The following CTNNA3 variants were observed in gnomAD, a reference collection of about 807,000 sequenced individuals.
CTNNA3 encodes the protein catenin alpha 3.
Under a neutral mutation model 95.7 loss-of-function variants are expected in CTNNA3, and 76 were observed. The observed-to-expected ratio is 0.79, with a 90% CI of 0.66 to 0.96. The LOEUF (loss-of-function observed/expected upper bound fraction) is 0.96, where lower values mean the gene tolerates loss of function less well. Among genes scored for constraint, CTNNA3 ranks in the 40% least tolerant of loss-of-function variants. The pLI, the probability that CTNNA3 is intolerant of heterozygous loss-of-function variation, is 0.00. For synonymous variants in CTNNA3, 431 were observed against 374.4 expected (o/e 1.15, Z -1.74); for missense variants, 1,191 against 1,089.8 (o/e 1.09, Z -1.31).
chr10:65,978,316 C>A (rs969917160), intron 16 of CTNNA3, among the ~76,000 whole-genome samples: 2 of 152,086 alleles, frequency 1.3e-5, no homozygotes, highest in Non-Finnish European at 2.9e-5. Context: ...CCTTATATCA[C>A]CTCTCTGGAG....
chr10:66,232,201 T>C (rs945398245), intron 13 of CTNNA3, among the ~76,000 whole-genome samples: 2 of 152,180 alleles, frequency 1.3e-5, no homozygotes, highest in African/African-American at 4.8e-5. Flanking sequence ...ACCTAAACTA[T>C]GGACCCACAA....
chr10:66,779,844 T>C (rs1184514513), intron 7 of CTNNA3, among the ~76,000 whole-genome samples: 1 of 152,212 alleles, frequency 6.6e-6, no homozygotes, highest in African/African-American at 2.4e-5. Flanking sequence ...TCATCTACTA[T>C]ATGCGGGACA....
intron 10 of CTNNA3, among the ~76,000 whole-genome samples, chr10:66,553,853 T>G (rs1842306471): frequency 6.6e-6 from 1 of 152,120 alleles, no homozygotes; most frequent in Non-Finnish European, 1.5e-5. Context: ...TTACTCTCCT[T>G]TTGAACAATA....
chr10:66,874,279 C>A (rs1268093437), intron 7 of CTNNA3, among the ~76,000 whole-genome samples: 1 of 152,064 alleles, frequency 6.6e-6, no homozygotes, highest in Non-Finnish European at 1.5e-5. Flanking sequence ...CCAACTACCG[C>A]CTCCATAATT....
rs190857875 is a variant in CTNNA3, at chr10:66,539,706, G to A, written c.1375-18933C>T. ...TTTGGAAGAGGGTGTGGCAGGACAG[G>A]CTTCATTCTCCTTTTTGCATAAGAA... On this transcript the variant is annotated intron_variant, in intron 10 of 17. Transcript: ENST00000433211. Among the ~76,000 whole-genome samples, 49 of 152,144 alleles carry A rather than the reference G, an allele frequency of 3.2e-4. 1 individual carries two copies. Among genetic ancestry groups the A allele is most frequent in the Admixed American group, 9.8e-4 (15 of 15,278 alleles).
intron 5 of CTNNA3, among the ~76,000 whole-genome samples, chr10:67,515,660 C>T (rs1329637120): frequency 6.6e-6 from 1 of 152,116 alleles, no homozygotes; most frequent in Non-Finnish European, 1.5e-5. Context: ...CTAAGACAGA[C>T]ATGAATATTT....
At chr10:67,163,180 A>G (rs76633255) in intron 7 of CTNNA3, among the ~76,000 whole-genome samples, 11,545 of 152,030 alleles carry the variant, frequency 0.076, 639 homozygotes, top group African/African-American at 0.15. Flanking sequence ...AAAACTGCAA[A>G]TTAATACTCT....
At chr10:67,690,856 G>GGCTCTC (rs1564831207) in intron 1 of CTNNA3, among the ~76,000 whole-genome samples, 1 of 151,450 alleles carries the variant, frequency 6.6e-6, no homozygotes, top group East Asian at 2.0e-4. Context: ...TCTTGCTACA[G>GGCTCTC]CCTCTCCCTC....
intron 1 of CTNNA3, among the ~76,000 whole-genome samples, chr10:67,726,556 A>G (rs1280586918): frequency 1.6e-5 from 1 of 61,266 alleles, no homozygotes; most frequent in Non-Finnish European, 2.5e-5. Flanking sequence ...CATATTATAT[A>G]ATATAATATA....
At chr10:67,257,546 T>C (rs928345654) in intron 5 of CTNNA3, among the ~76,000 whole-genome samples, 2 of 152,222 alleles carry the variant, frequency 1.3e-5, no homozygotes, top group African/African-American at 4.8e-5. Flanking sequence ...TATTTATAAC[T>C]TTAATGTTCT....
chr10:67,561,665 C>A (rs1841512921), intron 3 of CTNNA3, among the ~76,000 whole-genome samples: 1 of 150,794 alleles, frequency 6.6e-6, no homozygotes, highest in African/African-American at 2.4e-5. Flanking sequence ...AATAGAGACA[C>A]AAAAAACCCT....
At chr10:65,953,644 T>C (rs998072147) in intron 17 of CTNNA3, among the ~76,000 whole-genome samples, 2 of 152,174 alleles carry the variant, frequency 1.3e-5, no homozygotes, top group Non-Finnish European at 2.9e-5. Flanking sequence ...TGTTTGGTTT[T>C]CTGTCCTTGT....
chr10:67,750,249 T>G, intron 1 of CTNNA3: 1 of 1,490,148 alleles, frequency 6.7e-7, no homozygotes. Flanking sequence ...ACGTGAGACT[T>G]CTAGTGCTCA....
intron 7 of CTNNA3, among the ~76,000 whole-genome samples, chr10:67,024,334 C>T (rs900126423): frequency 6.6e-6 from 1 of 152,184 alleles, no homozygotes; most frequent in Non-Finnish European, 1.5e-5. Flanking sequence ...TTACCATGAC[C>T]TTCCTGCCTC....
At position 67,656,659 on chromosome 10, in the gene CTNNA3, C is replaced by T. The variant is rs146481735; in HGVS notation, c.-5-9141G>A. On this transcript the variant is annotated intron_variant, in intron 1 of 17. Transcript: ENST00000433211. Reference sequence around the variant, plus strand: ...AGTATTAAATAAGGTCAAGACTAGCCTCATTGAGAAGGGGACATCTGAGCA... The same window carrying T: ...AGTATTAAATAAGGTCAAGACTAGCTTCATTGAGAAGGGGACATCTGAGCA... Among the ~76,000 whole-genome samples the T allele has an allele frequency of 3.0e-4, 46 of 151,940 alleles. No individual in the cohort carries two copies. The East Asian group carries it at 7.9e-3, about 26-fold the overall frequency.
intron 9 of CTNNA3, among the ~76,000 whole-genome samples, chr10:66,662,145 T>G (rs1263260771): frequency 6.6e-6 from 1 of 152,192 alleles, no homozygotes; most frequent in Admixed American, 6.5e-5. Context: ...TAACAGAGTC[T>G]TCTCTATTTT....
At chr10:67,134,566 T>C (rs891384764) in intron 7 of CTNNA3, among the ~76,000 whole-genome samples, 1 of 152,112 alleles carries the variant, frequency 6.6e-6, no homozygotes, top group African/African-American at 2.4e-5. Context: ...GCTTGTTACA[T>C]TGACCCTGAA....
At chr10:66,294,914 G>GA (rs1554924832) in intron 12 of CTNNA3, among the ~76,000 whole-genome samples, 1 of 150,504 alleles carries the variant, frequency 6.6e-6, no homozygotes, top group African/African-American at 2.5e-5. Flanking sequence ...GAGAGAGAGA[G>GA]GGATTTGGTA....
chr10:67,589,645 A>C (rs1164762964), intron 3 of CTNNA3, among the ~76,000 whole-genome samples: 1 of 152,056 alleles, frequency 6.6e-6, no homozygotes, highest in Non-Finnish European at 1.5e-5. Context: ...TTTTATATTC[A>C]TCAAAGCATT....
Sources: allele counts gnomAD v4.1 joint callset (sites outside exome capture counted in the v4.1 genomes callset), GRCh38; gene constraint gnomAD v4.1.1; transcripts MANE v1.5; gene names NCBI Gene and HGNC (gene_info 2026-07-23, HGNC 2026-07-21).